Variants in PPP2R2B observed in about 807,000 individuals in gnomAD.
The protein encoded by PPP2R2B is protein phosphatase 2 regulatory subunit Bbeta.
In PPP2R2B, 5 loss-of-function variants were observed where a neutral mutation model predicts 46.0. The observed-to-expected ratio is 0.11, with a 90% CI of 0.06 to 0.23. The LOEUF (loss-of-function observed/expected upper bound fraction) is 0.23, where lower values mean the gene tolerates loss of function less well. Ranked by LOEUF, PPP2R2B falls within the 10% of genes least tolerant of loss-of-function variation. The pLI is 1.00. For synonymous variants in PPP2R2B, 215 were observed against 206.7 expected (o/e 1.04, Z -0.34); for missense variants, 367 against 575.0 (o/e 0.64, Z 3.70).
intron 2 of PPP2R2B, among the ~76,000 whole-genome samples, chr5:147,079,767 GC>G (rs2151914466): frequency 6.6e-6 from 1 of 152,088 alleles, no homozygotes; most frequent in African/African-American, 2.4e-5. Context: ...TTGTTCTATA[GC>G]ACAGTAGGGT....
In PPP2R2B at chr5:146,707,980, T is replaced by C. The variant is rs555719232; in HGVS notation, c.71-6838A>G. On this transcript the variant is annotated intron_variant, in intron 2 of 9. Transcript: ENST00000394411. ...AAATACTTGAACAATTTTTAACTTG[T>C]AAACAATTTTAATTTGTTTTCAAAC... Among the ~76,000 whole-genome samples the C allele has an allele frequency of 3.9e-5, 6 of 152,342 alleles. No individual in the cohort carries two copies. In the East Asian group the frequency reaches 1.2e-3, roughly 29 times the overall value.
Position 146,689,561 on chromosome 5 carries a change from C to T in PPP2R2B, c.447+1567G>A, listed in dbSNP as rs189618294. On this transcript the variant is annotated intron_variant, in intron 5 of 9. Transcript: ENST00000394411. Reference sequence around the variant, plus strand: ...GCATAAGTATACTCTATGATGTTTTCACAACAATGAAGTCACCCAATGATG... The same window carrying T: ...GCATAAGTATACTCTATGATGTTTTTACAACAATGAAGTCACCCAATGATG... Among the ~76,000 whole-genome samples, 124 of 152,252 alleles carry T rather than the reference C, an allele frequency of 8.1e-4. 2 individuals are homozygous for T. The highest frequency in any genetic ancestry group is 3.0e-3 in the African/African-American group (123 of 41,550).
chr5:146,890,968 A>G (rs1441490033), intron 1 of PPP2R2B, among the ~76,000 whole-genome samples: 1 of 152,158 alleles, frequency 6.6e-6, no homozygotes, highest in Non-Finnish European at 1.5e-5. Context: ...AGAAAAAGAG[A>G]GAGAGAGAAA....
At chr5:146,609,511 A>G (rs1012023647) in intron 7 of PPP2R2B, among the ~76,000 whole-genome samples, 7 of 152,208 alleles carry the variant, frequency 4.6e-5, no homozygotes, top group African/African-American at 9.6e-5. Context: ...GAATAGGAAC[A>G]GCTCCGGTCT....
At chr5:146,808,958 G>GGTGTGTGTGTGT (rs35023590) in intron 2 of PPP2R2B, among the ~76,000 whole-genome samples, 197 of 146,370 alleles carry the variant, frequency 1.3e-3, no homozygotes, top group African/African-American at 4.3e-3. Flanking sequence ...TGCTAACACT[G>GGTGTGTGTGTGT]GTGTGTGTGT....
chr5:146,949,230 A>T (rs560747899), intron 1 of PPP2R2B, among the ~76,000 whole-genome samples: 27 of 152,188 alleles, frequency 1.8e-4, no homozygotes, highest in South Asian at 1.0e-3. Flanking sequence ...TAATGGGAGA[A>T]AATATTTGCA....
chr5:146,884,194 T>C (rs1762254833), intron 1 of PPP2R2B, among the ~76,000 whole-genome samples: 1 of 151,280 alleles, frequency 6.6e-6, no homozygotes, highest in Admixed American at 6.6e-5. Flanking sequence ...ATCTCTGTTA[T>C]CGGTGCAAAG....
At chr5:146,720,553 G>A (rs1314017488) in intron 2 of PPP2R2B, among the ~76,000 whole-genome samples, 1 of 152,100 alleles carries the variant, frequency 6.6e-6, no homozygotes, top group Non-Finnish European at 1.5e-5. Flanking sequence ...AACACTGTTG[G>A]GAAATAGCTC....
At chr5:147,036,475 T>C (rs1426642703) in intron 1 of PPP2R2B, among the ~76,000 whole-genome samples, 1 of 152,228 alleles carries the variant, frequency 6.6e-6, no homozygotes, top group Non-Finnish European at 1.5e-5. Flanking sequence ...GTAATGAACA[T>C]ATACATGCAT....
chr5:147,055,634 C>T (rs1359444882), intron 1 of PPP2R2B: 4 of 1,576,716 alleles, frequency 2.5e-6, no homozygotes, highest in Non-Finnish European at 3.5e-6. Context: ...TTTTCCCACC[C>T]ACCCAGACAC....
chr5:146,977,778 A>G (rs61784966), intron 1 of PPP2R2B, among the ~76,000 whole-genome samples: 1,951 of 152,188 alleles, frequency 0.013, 47 homozygotes, highest in African/African-American at 0.045. Flanking sequence ...TCTACTGTTG[A>G]TGGGCATTTG....
intron 2 of PPP2R2B, among the ~76,000 whole-genome samples, chr5:146,780,994 T>A (rs547891309): frequency 6.6e-6 from 1 of 151,618 alleles, no homozygotes; most frequent in African/African-American, 2.4e-5. Context: ...TTATTCCAAT[T>A]CTCATCCACA....
chr5:146,698,185 G>C, intron 3 of PPP2R2B, 41 bp from the exon 4 acceptor site: 1 of 1,490,958 alleles, frequency 6.7e-7, no homozygotes, highest in Non-Finnish European at 8.9e-7. Context: ...TTAAATCACA[G>C]TAGCCAACTG....
At chr5:146,700,590 G>C (rs1472021587) in intron 3 of PPP2R2B, among the ~76,000 whole-genome samples, 1 of 152,064 alleles carries the variant, frequency 6.6e-6, no homozygotes, top group Non-Finnish European at 1.5e-5. Context: ...TACCCCCTTA[G>C]GTGAGGTAAG....
At chr5:146,598,396 G>T (rs1429239323) in intron 8 of PPP2R2B, among the ~76,000 whole-genome samples, 4 of 151,954 alleles carry the variant, frequency 2.6e-5, no homozygotes, top group Non-Finnish European at 5.9e-5. Flanking sequence ...CATATTTTCT[G>T]ACCTCTTCTT....
chr5:146,674,728 G>A (rs936940224), intron 5 of PPP2R2B, among the ~76,000 whole-genome samples: 2 of 152,116 alleles, frequency 1.3e-5, no homozygotes, highest in Non-Finnish European at 2.9e-5. Context: ...TTCAATGTAG[G>A]TGCCAAACTC....
At chr5:147,056,202 A>C, upstream of PPP2R2B, 2 of 853,226 alleles carry the variant, frequency 2.3e-6, no homozygotes, top group Non-Finnish European at 2.8e-6. Flanking sequence ...CAAAGACAGC[A>C]TAGTGTTCTG....
At chr5:146,732,103 C>G (rs1478429583) in intron 2 of PPP2R2B, among the ~76,000 whole-genome samples, 4 of 152,166 alleles carry the variant, frequency 2.6e-5, no homozygotes, top group Non-Finnish European at 4.4e-5. Context: ...TTGATGCTGA[C>G]TCATTCATTA....
At chr5:146,871,352 A>G (rs1167204394) in intron 2 of PPP2R2B, among the ~76,000 whole-genome samples, 3 of 152,212 alleles carry the variant, frequency 2.0e-5, no homozygotes, top group East Asian at 1.9e-4. Context: ...GGGTGCCTAG[A>G]TGGCCCAGCG....
Sources: allele counts gnomAD v4.1 joint callset (sites outside exome capture counted in the v4.1 genomes callset), GRCh38; gene constraint gnomAD v4.1.1; transcripts MANE v1.5; gene names NCBI Gene and HGNC (gene_info 2026-07-23, HGNC 2026-07-21).